Variants in BCL2 observed in about 807,000 individuals in gnomAD.
The protein encoded by BCL2 is apoptosis regulator Bcl-2.
A neutral mutation model predicts 14.2 loss-of-function variants in BCL2; 1 was observed. The ratio of observed to expected loss-of-function variants is 0.07; its 90% CI spans 0.02 to 0.33. BCL2 has a LOEUF of 0.33. Ranked by LOEUF, BCL2 falls within the 10% of genes least tolerant of loss-of-function variation. The pLI, the probability that BCL2 is intolerant of heterozygous loss-of-function variation, is 0.99. For missense variants in BCL2, 247 were observed against 305.9 expected, an observed-to-expected ratio of 0.81 and a Z score of 1.44; for synonymous variants, 151 against 137.2, an observed-to-expected ratio of 1.10 and a Z score of -0.70.
At chr18:63,155,682 G>C (rs1914760914) in intron 2 of BCL2, among the ~76,000 whole-genome samples, 1 of 152,238 alleles carries the variant, frequency 6.6e-6, no homozygotes, top group African/African-American at 2.4e-5. Flanking sequence ...GGAGGAACCG[G>C]CAATGCAGCG....
intron 2 of BCL2, among the ~76,000 whole-genome samples, chr18:63,296,567 G>A (rs151007564): frequency 6.6e-6 from 1 of 152,206 alleles, no homozygotes; most frequent in African/African-American, 2.4e-5. Context: ...GTCTCCCACA[G>A]TGCGGGGATT....
At chr18:63,283,411 C>G (rs183351063) in intron 2 of BCL2, among the ~76,000 whole-genome samples, 1 of 152,200 alleles carries the variant, frequency 6.6e-6, no homozygotes, top group Non-Finnish European at 1.5e-5. Context: ...TTAACCTTCT[C>G]CAGCCTGGGA....
At chr18:63,223,837 A>G (rs764615750) in intron 2 of BCL2, among the ~76,000 whole-genome samples, 1 of 152,238 alleles carries the variant, frequency 6.6e-6, no homozygotes, top group East Asian at 1.9e-4. Flanking sequence ...AGAGCTTTCA[A>G]TACATCTGTT....
chr18:63,209,666 A>G (rs1193453585), intron 2 of BCL2, among the ~76,000 whole-genome samples: 1 of 152,184 alleles, frequency 6.6e-6, no homozygotes, highest in Non-Finnish European at 1.5e-5. Context: ...GCCTGGAGAT[A>G]TGGGTTTTGG....
rs554611807 is a variant in BCL2 at position 63,177,106 on chromosome 18, G to A, written c.586-48347C>T. On this transcript the variant is annotated intron_variant, in intron 2 of 2. Transcript: ENST00000333681. ...TAATTTTTCTATTTTTAGTAGAGAC[G>A]GGTTTTCATCATGTTGATCAGGCTG... 4.0e-5 allele frequency among the ~76,000 whole-genome samples: 6 copies of A among 151,846 alleles called. No individual in the cohort carries two copies. The East Asian group carries it at 1.2e-3, about 29-fold the overall frequency.
At chr18:63,143,168 G>T (rs1420143478) in intron 2 of BCL2, among the ~76,000 whole-genome samples, 2 of 152,220 alleles carry the variant, frequency 1.3e-5, no homozygotes, top group Non-Finnish European at 2.9e-5. Context: ...GCTGTATATA[G>T]AACTAGAGAG....
At chr18:63,223,428 T>C (rs1910460974) in intron 2 of BCL2, among the ~76,000 whole-genome samples, 1 of 150,642 alleles carries the variant, frequency 6.6e-6, no homozygotes, top group South Asian at 2.1e-4. Flanking sequence ...AAGAAGAATG[T>C]GAGGGAAACT....
chr18:63,141,509 C>T (rs1236084582), intron 2 of BCL2, among the ~76,000 whole-genome samples: 1 of 152,224 alleles, frequency 6.6e-6, no homozygotes, highest in African/African-American at 2.4e-5. Flanking sequence ...CAGACCCCAA[C>T]CCCCATATGC....
intron 2 of BCL2, among the ~76,000 whole-genome samples, chr18:63,130,577 G>A (rs1437276333): frequency 6.6e-6 from 1 of 152,202 alleles, no homozygotes; most frequent in African/African-American, 2.4e-5. Context: ...AACAGCCTCT[G>A]AGAATCCTGA....
intron 2 of BCL2, among the ~76,000 whole-genome samples, chr18:63,241,478 T>C (rs534166999): frequency 3.8e-4 from 58 of 152,310 alleles, no homozygotes; most frequent in Non-Finnish European, 5.9e-4. Flanking sequence ...ATGACTGAGA[T>C]AACTTGATAT....
chr18:63,303,550 G>C (rs1913028973), intron 2 of BCL2, among the ~76,000 whole-genome samples: 1 of 152,102 alleles, frequency 6.6e-6, no homozygotes, highest in Non-Finnish European at 1.5e-5. Flanking sequence ...AAAAATTTAA[G>C]TTCCAGAGGA....
Position 63,133,714 on chromosome 18 carries a change from G to A in BCL2, c.586-4955C>T, listed in dbSNP as rs1179813487. Among the ~76,000 whole-genome samples, 3 of 152,130 alleles carry A rather than the reference G, an allele frequency of 2.0e-5. No homozygotes were observed. In the South Asian group the frequency reaches 6.2e-4, roughly 32 times the overall value. On this transcript the variant is annotated intron_variant, in intron 2 of 2. Transcript: ENST00000333681. Reference sequence around the variant, plus strand: ...ATGGCATGCGGTTGGGGATATGGGCGGGGGTCCCAAAATAACCCTTATGCC... The same window carrying A: ...ATGGCATGCGGTTGGGGATATGGGCAGGGGTCCCAAAATAACCCTTATGCC...
intron 2 of BCL2, among the ~76,000 whole-genome samples, chr18:63,241,462 G>A (rs1012453988): frequency 6.6e-6 from 1 of 152,082 alleles, no homozygotes; most frequent in Non-Finnish European, 1.5e-5. Context: ...TGCCATTTAC[G>A]TCATCATGAC....
intron 2 of BCL2, among the ~76,000 whole-genome samples, chr18:63,297,144 C>T (rs1376503126): frequency 2.0e-5 from 3 of 151,778 alleles, no homozygotes; most frequent in East Asian, 1.9e-4. Flanking sequence ...ACCCTGGAGG[C>T]GGAGGTTGCA....
intron 2 of BCL2, among the ~76,000 whole-genome samples, chr18:63,310,790 C>T (rs927653881): frequency 6.6e-6 from 1 of 152,176 alleles, no homozygotes. Context: ...GCTCATTTCC[C>T]TCAATTAGGA....
intron 2 of BCL2, among the ~76,000 whole-genome samples, chr18:63,226,746 C>G (rs17757981): frequency 0.024 from 3,626 of 151,422 alleles, 120 homozygotes; most frequent in Admixed American, 0.091. Context: ...AGAATGCATA[C>G]CAAGTGTTAA....
At chr18:63,241,409 T>C (rs1479944625) in intron 2 of BCL2, among the ~76,000 whole-genome samples, 3 of 152,208 alleles carry the variant, frequency 2.0e-5, no homozygotes, top group Non-Finnish European at 2.9e-5. Context: ...TGTATTCCTT[T>C]AAAGCGAAAA....
intron 2 of BCL2, among the ~76,000 whole-genome samples, chr18:63,130,793 T>C (rs1389343531): frequency 1.3e-5 from 2 of 152,216 alleles, no homozygotes; most frequent in Non-Finnish European, 2.9e-5. Context: ...GTTGCTTTTT[T>C]GAAACAAACT....
At chr18:63,173,386 C>G (rs1043751998) in intron 2 of BCL2, among the ~76,000 whole-genome samples, 1 of 152,174 alleles carries the variant, frequency 6.6e-6, no homozygotes, top group African/African-American at 2.4e-5. Flanking sequence ...GTTGTTTAAA[C>G]ATGTTTGTTT....
Sources: gnomAD v4.1 joint callset for allele counts (sites outside exome capture counted in the v4.1 genomes callset) on GRCh38, gnomAD v4.1.1 for gene constraint, MANE v1.5 for transcripts, NCBI Gene and HGNC (gene_info 2026-07-23, HGNC 2026-07-21) for gene names.